PTBP1: variants seen among roughly 807,000 people sequenced by gnomAD.
PTBP1 encodes polypyrimidine tract-binding protein 1.
PTBP1 carries 8 observed loss-of-function variants against 59.8 expected under a neutral mutation model. That is an observed-to-expected ratio of 0.13 (90% CI 0.08 to 0.24). The LOEUF (loss-of-function observed/expected upper bound fraction) is 0.24. Among genes scored for constraint, PTBP1 ranks in the 10% least tolerant of loss-of-function variants. The pLI, the probability that PTBP1 is intolerant of heterozygous loss-of-function variation, is 1.00. For missense variants in PTBP1, 686 were observed against 767.0 expected, an observed-to-expected ratio of 0.89 and a Z score of 1.25; for synonymous variants, 490 against 320.7, an observed-to-expected ratio of 1.53 and a Z score of -5.64.
Position 810,862 on chromosome 19 carries a change from A to G in PTBP1, c.*36A>G, listed in dbSNP as rs1027606293. The G allele has an allele frequency of 1.8e-5, 27 of 1,497,738 alleles. No individual in the cohort carries two copies. The highest frequency in any genetic ancestry group is 2.4e-5 in the Non-Finnish European group (27 of 1,130,884). The allele number at this position is 1,497,738 out of a possible 1,614,324, so 92.8% of individuals were successfully genotyped here. A position where few individuals can be genotyped will look rare whatever the true frequency, so the allele number is the denominator to read the frequency against. ...CCCCACGGCCGGGCCCCCTGGCGAC[A>G]ACTTCCATCATTCCAGAGAAAAGCC... On this transcript the variant is annotated 3_prime_UTR_variant, in exon 15 of 15. Transcript: ENST00000356948.
intron 13 of PTBP1, among the ~76,000 whole-genome samples, chr19:809,305 C>T (rs961573778): frequency 2.4e-4 from 30 of 127,148 alleles, no homozygotes; most frequent in Non-Finnish European, 4.8e-5. Context: ...CGCGCCTAGC[C>T]ACATTTATTT....
chr19:806,533 C>T lies in PTBP1; in HGVS notation c.1096C>T (p.Leu366=), dbSNP rs1389280415. The T allele has an allele frequency of 3.2e-6, 5 of 1,545,432 alleles. No homozygotes were observed. The highest frequency in any genetic ancestry group is 2.0e-5 in the Admixed American group (1 of 49,872). ...GLAGAGNSVL[L]VSNLNPERVT... is the part of the protein sequence containing the mutation. ...GGCGGGGGCAGGAAATTCTGTATTGCTGGTCAGCAACCTCAACCCAGAGGT... is the reference window on the plus strand; with the variant it reads ...GGCGGGGGCAGGAAATTCTGTATTGTTGGTCAGCAACCTCAACCCAGAGGT... Residue 366 remains leucine, a synonymous_variant, in exon 10 of 15, where the codon CTG becomes TTG. Transcript: ENST00000356948.
chr19:804,122 A>G lies in PTBP1; in HGVS notation c.202A>G (p.Ile68Val), dbSNP rs771915665. The G allele has an allele frequency of 4.3e-6, 7 of 1,613,782 alleles. No individual in the cohort carries two copies. The highest frequency in any genetic ancestry group is 4.0e-5 in the African/African-American group (3 of 74,902). ...AGTGATCCACATCCGGAAGCTCCCC[A>G]TCGACGTCACGGAGGGGGAAGTCAT... is the stretch of plus-strand genomic sequence containing the variant. ...SRVIHIRKLPIDVTEGEVISL... is the reference protein window; with the variant it reads ...SRVIHIRKLPVDVTEGEVISL... The change falls in exon 4 of 15, where the codon ATC becomes GTC. Residue 68 changes from isoleucine (I) to valine (V), a missense_variant. Ile to Val is a conservative substitution (Grantham distance 29). Transcript: ENST00000356948.
chr19:809,914 A>G (rs115815382), intron 13 of PTBP1, among the ~76,000 whole-genome samples: 2,693 of 152,244 alleles, frequency 0.018, 70 homozygotes, highest in African/African-American at 0.062. Context: ...AAATTACATA[A>G]TGCAAGTATT....
Position 797,480 on chromosome 19 carries a change from G to C in PTBP1, c.-18G>C, listed in dbSNP as rs376495656. On this transcript the variant is annotated 5_prime_UTR_variant, in exon 1 of 15. Transcript: ENST00000356948. ...CCGGCGCCTCCACTCCGTCCCCCGCGGGTCTGCTCTGTGTGCCATGGACGG... is the reference window on the plus strand; with the variant it reads ...CCGGCGCCTCCACTCCGTCCCCCGCCGGTCTGCTCTGTGTGCCATGGACGG... The C allele has an allele frequency of 1.4e-5, 22 of 1,593,114 alleles. No homozygotes were observed. Among genetic ancestry groups the C allele is most frequent in the Non-Finnish European group, 1.6e-5 (19 of 1,173,572 alleles).
At chr19:800,912 G>C (rs915463203) in intron 2 of PTBP1, among the ~76,000 whole-genome samples, 1 of 152,100 alleles carries the variant, frequency 6.6e-6, no homozygotes, top group Non-Finnish European at 1.5e-5. Flanking sequence ...GCCAGGACTT[G>C]AAGCCTGCGG....
intron 1 of PTBP1, 137 bp from the exon 2 acceptor site, chr19:799,276 C>G: frequency 1.2e-6 from 1 of 813,824 alleles, no homozygotes; most frequent in Non-Finnish European, 2.2e-6. Context: ...TCTAGCGGGG[C>G]CTCGTGCAGC....
intron 10 of PTBP1, chr19:807,485 A>G: frequency 4.3e-6 from 1 of 231,606 alleles, no homozygotes; most frequent in Middle Eastern, 1.5e-3. Context: ...AGTGTGACTG[A>G]TAGAACACTA....
intron 1 of PTBP1, 51 bp downstream of exon 1, chr19:797,556 T>G: frequency 7.6e-7 from 1 of 1,320,838 alleles, no homozygotes; most frequent in South Asian, 1.7e-5. Flanking sequence ...GCCGCAGCCC[T>G]GCCCCCGCCG....
intron 14 of PTBP1, 24 bp from the exon 15 acceptor site, chr19:810,670 C>T (rs375308794): frequency 4.2e-5 from 67 of 1,611,220 alleles, no homozygotes; most frequent in Non-Finnish European, 5.0e-5. Context: ...GCCCTGCGGC[C>T]GGCCCTGACC....
intron 8 of PTBP1, 50 bp from the exon 9 acceptor site, chr19:805,442 C>A: frequency 6.5e-7 from 1 of 1,545,938 alleles, no homozygotes. Flanking sequence ...ACAGCGCCCG[C>A]TCGCGGTGGA....
At chr19:801,020 C>T (rs538892820) in intron 2 of PTBP1, among the ~76,000 whole-genome samples, 10 of 151,824 alleles carry the variant, frequency 6.6e-5, no homozygotes, top group African/African-American at 2.2e-4. Context: ...ACCCCCCCTC[C>T]CCCCCACCAC....
At chr19:801,993 G>A (rs2034357049) in intron 2 of PTBP1, among the ~76,000 whole-genome samples, 1 of 152,228 alleles carries the variant, frequency 6.6e-6, no homozygotes, top group Non-Finnish European at 1.5e-5. Context: ...TGACCCTAAA[G>A]TCTTGGGGAC....
chr19:806,185 C>T (rs922488875), intron 9 of PTBP1: 13 of 473,544 alleles, frequency 2.7e-5, no homozygotes, highest in African/African-American at 1.7e-4. Context: ...AGCCCAGGCC[C>T]GGCCCGGCCC....
At chr19:800,677 T>C (rs1289547393) in intron 2 of PTBP1, among the ~76,000 whole-genome samples, 6 of 152,226 alleles carry the variant, frequency 3.9e-5, no homozygotes, top group Non-Finnish European at 7.3e-5. Context: ...TGCCCCGATC[T>C]TCCTGGAGAT....
At position 803,701 on chromosome 19, in the gene PTBP1, C is replaced by T. The variant is rs1342229323; in HGVS notation, c.115+65C>T. 13 of 1,414,348 alleles carry T rather than the reference C, an allele frequency of 9.2e-6. No individual in the cohort carries two copies. The Admixed American group carries it at 2.2e-4, about 24-fold the overall frequency. 87.6% of individuals were successfully genotyped at this position (1,414,348 alleles called of 1,614,324 possible). On this transcript the variant is annotated intron_variant, in intron 3 of 14. Transcript: ENST00000356948. ...TCTTTCCCTGGAACAACGTTACGTT[C>T]TTGTTCTGGGACTCTACTTTCCATC...
chr19:808,781 GGCTCATGGGGC>G lies in PTBP1; in HGVS notation c.1463+20_1463+30del. 6.5e-7 allele frequency: 1 copy of G among 1,537,772 alleles called. No homozygotes were observed. Among genetic ancestry groups the G allele is most frequent in the Non-Finnish European group, 8.9e-7 (1 of 1,120,794 alleles). ...ACATCCCGTGAGTGCTGGGCCGGGG[GGCTCATGGGGC>G]CGGGGGCGGGCAAGGGCTCTGCTTG... is the stretch of plus-strand genomic sequence containing the variant. On this transcript the variant is annotated intron_variant, in intron 13 of 14. Transcript: ENST00000356948. The surrounding 1 kb of genome is among the most constrained non-coding windows in gnomAD (Gnocchi z 4.7).
chr19:810,422 C>T, intron 13 of PTBP1, 121 bp from the exon 14 acceptor site: 2 of 734,834 alleles, frequency 2.7e-6, no homozygotes, highest in Non-Finnish European at 2.2e-6. Flanking sequence ...TTTCTGGGCT[C>T]CTAAAAGGCC....
In PTBP1 at chr19:808,290, G is replaced by C. The variant is rs1833583866; in HGVS notation, c.1154-70G>C. 4 of 1,323,686 alleles carry C rather than the reference G, an allele frequency of 3.0e-6. No homozygotes were observed. Among genetic ancestry groups the C allele is most frequent in the Non-Finnish European group, 4.2e-6 (4 of 942,476 alleles). 82.0% of individuals were successfully genotyped at this position (1,323,686 alleles called of 1,614,324 possible). On this transcript the variant is annotated intron_variant, in intron 11 of 14. Transcript: ENST00000356948. The surrounding 1 kb of genome is among the most constrained non-coding windows in gnomAD (Gnocchi z 4.7). ...GCCGGGCCTTGTGGGGGTGCGCGGG[G>C]CCGGGGCTGACGGGGAGATGGGCGG... is the stretch of plus-strand genomic sequence containing the variant.
Sources: gnomAD v4.1 joint callset for allele counts (sites outside exome capture counted in the v4.1 genomes callset) on GRCh38, gnomAD v4.1.1 for gene constraint, Gnocchi (gnomAD v3.1) non-coding constraint, MANE v1.5 for transcripts, NCBI Gene and HGNC (gene_info 2026-07-23, HGNC 2026-07-21) for gene names.